Variants in IMMP1L observed in about 807,000 individuals in gnomAD.
The protein encoded by IMMP1L is inner mitochondrial membrane peptidase subunit 1, also known as mitochondrial inner membrane protease subunit 1.
IMMP1L carries 24 observed loss-of-function variants against 21.8 expected under a neutral mutation model. The ratio of observed to expected loss-of-function variants is 1.10; its 90% CI spans 0.80 to 1.55. The LOEUF (loss-of-function observed/expected upper bound fraction) is 1.55, where lower values mean the gene tolerates loss of function less well. Ranked by LOEUF, IMMP1L falls within the 40% of genes most tolerant of loss-of-function variation. The pLI is 0.00. For synonymous variants in IMMP1L, 46 were observed against 62.8 expected (o/e 0.73, Z 1.26); for missense variants, 195 against 200.7 (o/e 0.97, Z 0.17).
chr11:31,505,797 G>A (rs1335933740), intron 1 of IMMP1L, among the ~76,000 whole-genome samples: 1 of 152,110 alleles, frequency 6.6e-6, no homozygotes, highest in Admixed American at 6.5e-5. Flanking sequence ...CCTGTATAAT[G>A]ATCCACCTGC....
rs1953801541 is a variant in IMMP1L at position 31,452,827 on chromosome 11, T to G, written c.321+3433A>C. 3.0e-5 allele frequency: 24 copies of G among 811,072 alleles called. No homozygotes were observed. In the South Asian group the frequency reaches 5.8e-4, roughly 20 times the overall value. 50.2% of individuals were successfully genotyped at this position (811,072 alleles called of 1,614,324 possible). On this transcript the variant is annotated intron_variant, in intron 4 of 5. Transcript: ENST00000532287. ...GTGCAGTGGCGCGATCTCGGCTCACTGCAACCTCCACCTCCCAGGTTGAAG... is the reference window on the plus strand; with the variant it reads ...GTGCAGTGGCGCGATCTCGGCTCACGGCAACCTCCACCTCCCAGGTTGAAG...
At chr11:31,432,641 ATCTG>A in intron 5 of IMMP1L, 73 bp from the exon 6 acceptor site, 1 of 1,002,164 alleles carries the variant, frequency 1.0e-6, no homozygotes, top group Non-Finnish European at 1.6e-6. Context: ...CCCTTTTGCT[ATCTG>A]TCCCTTTTCT....
chr11:31,456,876 CAAAAAAAAA>C (rs56849120), intron 3 of IMMP1L, among the ~76,000 whole-genome samples: 210 of 17,964 alleles, frequency 0.012, no homozygotes, highest in African/African-American at 0.033. Flanking sequence ...ACCATGTCTC[CAAAAAAAAA>C]AAAAAAAAAA....
chr11:31,502,150 G>A (rs2133829962), intron 1 of IMMP1L, among the ~76,000 whole-genome samples: 1 of 152,186 alleles, frequency 6.6e-6, no homozygotes, highest in Non-Finnish European at 1.5e-5. Context: ...AACTAAATTT[G>A]AACATAGATG....
intron 1 of IMMP1L, among the ~76,000 whole-genome samples, chr11:31,480,581 A>C (rs192353157): frequency 8.9e-4 from 136 of 152,172 alleles, no homozygotes; most frequent in African/African-American, 3.2e-3. Flanking sequence ...TTCCTTTATA[A>C]TATCTATCTG....
At chr11:31,499,091 C>T (rs966521751) in intron 1 of IMMP1L, among the ~76,000 whole-genome samples, 9 of 152,022 alleles carry the variant, frequency 5.9e-5, no homozygotes, top group Non-Finnish European at 8.8e-5. Flanking sequence ...GAGGGCCGGG[C>T]GAGGTGGCTT....
At position 31,451,517 on chromosome 11, in the gene IMMP1L, G is replaced by A. The variant is rs1178835181; in HGVS notation, c.321+4743C>T. The stretch of plus-strand genomic sequence containing the variant: ...GATGTAGGGTGAAAGAGGAGAGTAA[G>A]GATAACTCTAAGGTTTGTGGCCTGA... On this transcript the variant is annotated intron_variant, in intron 4 of 5. Transcript: ENST00000532287. Among the ~76,000 whole-genome samples the A allele has an allele frequency of 3.3e-5, 5 of 152,116 alleles. No homozygotes were observed. In the East Asian group the frequency reaches 9.6e-4, roughly 29 times the overall value.
intron 1 of IMMP1L, among the ~76,000 whole-genome samples, chr11:31,499,418 A>G (rs1592046199): frequency 6.7e-6 from 1 of 149,698 alleles, no homozygotes; most frequent in African/African-American, 2.5e-5. Context: ...AAACGACAGT[A>G]CGTTTTAAAA....
chr11:31,447,010 G>T (rs147421573), intron 4 of IMMP1L, among the ~76,000 whole-genome samples: 245 of 152,294 alleles, frequency 1.6e-3, no homozygotes, highest in Non-Finnish European at 2.9e-3. Flanking sequence ...TGTGTGCCTA[G>T]TGGCTACCAT....
intron 1 of IMMP1L, among the ~76,000 whole-genome samples, chr11:31,485,185 G>T (rs1030337631): frequency 6.6e-6 from 1 of 151,722 alleles, no homozygotes; most frequent in Non-Finnish European, 1.5e-5. Context: ...TTTTAAAGCC[G>T]TAATTTCAAA....
intron 2 of IMMP1L, 44 bp downstream of exon 2, chr11:31,463,128 A>G: frequency 6.9e-7 from 1 of 1,454,546 alleles, no homozygotes; most frequent in South Asian, 1.4e-5. Context: ...CATTTGAAAG[A>G]AAGTATATAT....
At chr11:31,468,446 C>T (rs1387010620) in intron 1 of IMMP1L, among the ~76,000 whole-genome samples, 3 of 152,082 alleles carry the variant, frequency 2.0e-5, no homozygotes, top group African/African-American at 7.2e-5. Context: ...AGATAGAACG[C>T]TAATGTGGCA....
rs1954219691 is a variant in IMMP1L at position 31,463,402 on chromosome 11, T to A, written c.-29-97A>T. On this transcript the variant is annotated intron_variant, in intron 1 of 5. Coordinates refer to ENST00000532287, the MANE Select transcript of IMMP1L (RefSeq NM_001304274.2). ...TATTTTACAATCACCCAAAATGTAC[T>A]AAGTGCCTAATACAATTTGGTGCAG... 3 of 1,132,536 alleles carry A rather than the reference T, an allele frequency of 2.6e-6. No homozygotes were observed. In the East Asian group the frequency reaches 8.8e-5, roughly 33 times the overall value. 70.2% of individuals were successfully genotyped at this position (1,132,536 alleles called of 1,614,324 possible).
intron 1 of IMMP1L, chr11:31,488,190 A>T (rs1437898996): frequency 6.6e-6 from 1 of 152,172 alleles, no homozygotes; most frequent in Non-Finnish European, 1.5e-5. Flanking sequence ...AGAAAAAAAA[A>T]AAATAAAGCA....
intron 1 of IMMP1L, among the ~76,000 whole-genome samples, chr11:31,483,768 T>C (rs183774334): frequency 6.6e-6 from 1 of 152,106 alleles, no homozygotes; most frequent in East Asian, 1.9e-4. Context: ...CTTAATTTAA[T>C]AGCATTCCTT....
At chr11:31,501,825 AT>A (rs1955627082) in intron 1 of IMMP1L, among the ~76,000 whole-genome samples, 1 of 151,332 alleles carries the variant, frequency 6.6e-6, no homozygotes, top group African/African-American at 2.4e-5. Context: ...AAATAAATAA[AT>A]AAATAGCTGG....
chr11:31,446,179 C>A (rs1344623766), intron 4 of IMMP1L, among the ~76,000 whole-genome samples: 3 of 152,142 alleles, frequency 2.0e-5, no homozygotes, highest in Non-Finnish European at 4.4e-5. Context: ...CATTTTTAAG[C>A]CTTTCAATTC....
intron 1 of IMMP1L, among the ~76,000 whole-genome samples, chr11:31,481,188 A>G (rs1954881567): frequency 6.6e-6 from 1 of 152,110 alleles, no homozygotes; most frequent in South Asian, 2.1e-4. Context: ...TATGTTGATT[A>G]TTCTGTTTGT....
At chr11:31,469,713 C>G (rs2133699668) in intron 1 of IMMP1L, 1 of 152,320 alleles carries the variant, frequency 6.6e-6, no homozygotes, top group Middle Eastern at 3.4e-3. Context: ...AAGACCTTAA[C>G]TCACAAACTC....
Sources: allele counts gnomAD v4.1 joint callset (sites outside exome capture counted in the v4.1 genomes callset), GRCh38; gene constraint gnomAD v4.1.1; transcripts MANE v1.5; gene names NCBI Gene and HGNC (gene_info 2026-07-23, HGNC 2026-07-21).